Variants in BCR observed in about 807,000 individuals in gnomAD.
BCR encodes the protein breakpoint cluster region protein.
BCR carries 58 observed loss-of-function variants against 138.6 expected under a neutral mutation model. The observed-to-expected ratio is 0.42, with a 90% CI of 0.34 to 0.52. The LOEUF is 0.52. Ranked by LOEUF, BCR falls within the 20% of genes least tolerant of loss-of-function variation. The probability of loss-of-function intolerance (pLI) is 0.06; values close to 1 mark genes in which losing one functional copy is unlikely to be tolerated. For synonymous variants in BCR, 786 were observed against 730.1 expected, an observed-to-expected ratio of 1.08 and a Z score of -1.23; for missense variants, 1,599 against 1,727.2, an observed-to-expected ratio of 0.93 and a Z score of 1.32.
At chr22:23,224,357 G>A (rs2072863887) in intron 1 of BCR, among the ~76,000 whole-genome samples, 1 of 152,202 alleles carries the variant, frequency 6.6e-6, no homozygotes, top group South Asian at 2.1e-4. Context: ...AGTGCCTTGA[G>A]GGGAGGCATT....
chr22:23,263,119 C>T (rs1157606567), intron 4 of BCR: 7 of 710,722 alleles, frequency 9.8e-6, no homozygotes, highest in East Asian at 2.7e-5. Context: ...GCCTACATCC[C>T]GGGGACAGGG....
chr22:23,252,651 G>A lies in BCR; in HGVS notation c.1280-1148G>A, dbSNP rs565142558. On this transcript the variant is annotated intron_variant, in intron 1 of 22. Coordinates refer to ENST00000305877, the MANE Select transcript of BCR (RefSeq NM_004327.4). ...TCACCATATTGGCCAGGCTGGTCTCGAACTCCTGACCTCAAGTGATCCACC... is the reference window on the plus strand; with the variant it reads ...TCACCATATTGGCCAGGCTGGTCTCAAACTCCTGACCTCAAGTGATCCACC... 6.9e-3 allele frequency among the ~76,000 whole-genome samples: 1,048 copies of A among 151,794 alleles called. 12 individuals carry two copies. Among genetic ancestry groups the A allele is most frequent in the African/African-American group, 0.023 (952 of 41,370 alleles).
At chr22:23,259,846 A>G (rs2073337316) in intron 2 of BCR, among the ~76,000 whole-genome samples, 1 of 152,140 alleles carries the variant, frequency 6.6e-6, no homozygotes, top group Non-Finnish European at 1.5e-5. Flanking sequence ...AAGTTAGCAG[A>G]GCGAGGTGGT....
intron 1 of BCR, among the ~76,000 whole-genome samples, chr22:23,187,499 C>CTCT (rs763149441): frequency 0.044 from 6,251 of 140,542 alleles, 415 homozygotes; most frequent in African/African-American, 0.15. Flanking sequence ...CTCTCTCTCT[C>CTCT]TTTTTTTTTT....
chr22:23,207,048 C>T (rs192531649), intron 1 of BCR, among the ~76,000 whole-genome samples: 93 of 147,942 alleles, frequency 6.3e-4, no homozygotes, highest in Non-Finnish European at 1.2e-3. Flanking sequence ...CCATTATTCA[C>T]TCATCCATCC....
intron 1 of BCR, among the ~76,000 whole-genome samples, chr22:23,205,945 G>T (rs976886501): frequency 6.6e-6 from 1 of 152,188 alleles, no homozygotes; most frequent in African/African-American, 2.4e-5. Context: ...CGATGACAGA[G>T]CCAGGTGTGG....
chr22:23,187,560 C>T (rs1441958803), intron 1 of BCR, among the ~76,000 whole-genome samples: 6 of 150,992 alleles, frequency 4.0e-5, no homozygotes, highest in African/African-American at 1.5e-4. Context: ...CCTCGAACTC[C>T]TGGGCTTAAG....
At chr22:23,260,853 C>A in intron 2 of BCR, 97 bp from the exon 3 acceptor site, 1 of 1,169,578 alleles carries the variant, frequency 8.6e-7, no homozygotes. Context: ...GGGGTTTGTC[C>A]AGAGGTCAAC....
At chr22:23,211,540 C>T (rs1024763721) in intron 1 of BCR, among the ~76,000 whole-genome samples, 4 of 151,452 alleles carry the variant, frequency 2.6e-5, no homozygotes, top group Non-Finnish European at 4.4e-5. Flanking sequence ...GGCTGGAGTG[C>T]AGTGGTACAA....
intron 1 of BCR, among the ~76,000 whole-genome samples, chr22:23,229,307 T>G (rs1369874825): frequency 1.3e-5 from 2 of 152,210 alleles, no homozygotes; most frequent in African/African-American, 4.8e-5. Flanking sequence ...TGCTTTAAAG[T>G]CTTAGTCTGA....
intron 1 of BCR, among the ~76,000 whole-genome samples, chr22:23,232,811 A>G (rs892952984): frequency 6.6e-6 from 1 of 152,238 alleles, no homozygotes; most frequent in Non-Finnish European, 1.5e-5. Context: ...AACCATCTGT[A>G]GCAGTCAGAA....
At chr22:23,299,285 C>T (rs1261965250) in intron 16 of BCR, among the ~76,000 whole-genome samples, 6 of 152,202 alleles carry the variant, frequency 3.9e-5, no homozygotes, top group Admixed American at 6.5e-5. Flanking sequence ...CGCCTAGCTC[C>T]AAGACTGTTT....
At chr22:23,224,534 G>A (rs961389291) in intron 1 of BCR, among the ~76,000 whole-genome samples, 5 of 152,152 alleles carry the variant, frequency 3.3e-5, no homozygotes, top group African/African-American at 4.8e-5. Context: ...GTTTTAATAC[G>A]CCAAGTCTGC....
chr22:23,242,413 T>A (rs1311729934), intron 1 of BCR, among the ~76,000 whole-genome samples: 1 of 152,244 alleles, frequency 6.6e-6, no homozygotes, highest in Non-Finnish European at 1.5e-5. Flanking sequence ...CTTTATGGCT[T>A]GCTGAGTATA....
At chr22:23,211,641 C>T (rs1443380313) in intron 1 of BCR, among the ~76,000 whole-genome samples, 12 of 151,308 alleles carry the variant, frequency 7.9e-5, no homozygotes, top group African/African-American at 1.5e-4. Flanking sequence ...CCCACCACCA[C>T]GCCTGGCTAG....
intron 20 of BCR, 60 bp downstream of exon 20, chr22:23,313,081 T>C (rs1244748899): frequency 9.0e-5 from 138 of 1,531,444 alleles, no homozygotes; most frequent in Non-Finnish European, 1.1e-4. Context: ...CTGCTGCCCT[T>C]GGAGGCTGTG....
At chr22:23,233,626 A>C (rs1008322928) in intron 1 of BCR, among the ~76,000 whole-genome samples, 3 of 151,962 alleles carry the variant, frequency 2.0e-5, no homozygotes, top group Non-Finnish European at 4.4e-5. Flanking sequence ...CGTCTTTGCT[A>C]AAAATATAAA....
intron 1 of BCR, among the ~76,000 whole-genome samples, chr22:23,186,619 C>G (rs1445550278): frequency 6.6e-6 from 1 of 152,174 alleles, no homozygotes; most frequent in African/African-American, 2.4e-5. Flanking sequence ...TTATAGATAC[C>G]TCATGTAAGT....
At chr22:23,198,051 G>A (rs900712659) in intron 1 of BCR, among the ~76,000 whole-genome samples, 4 of 152,138 alleles carry the variant, frequency 2.6e-5, no homozygotes, top group Admixed American at 2.0e-4. Flanking sequence ...TTGCGTCCTG[G>A]GGGAGGTCAC....
Sources: gnomAD v4.1 joint callset for allele counts (sites outside exome capture counted in the v4.1 genomes callset) on GRCh38, gnomAD v4.1.1 for gene constraint, MANE v1.5 for transcripts, NCBI Gene and HGNC (gene_info 2026-07-23, HGNC 2026-07-21) for gene names.